The following GLI2 variants were observed in gnomAD, a reference collection of about 807,000 sequenced individuals.
GLI2 encodes the protein GLI family zinc finger 2.
A neutral mutation model predicts 78.9 loss-of-function variants in GLI2; 22 were observed. That is an observed-to-expected ratio of 0.28 (90% confidence interval 0.20 to 0.40). GLI2 has a LOEUF of 0.40. GLI2 is among the 10% of genes least tolerant of loss of function. The pLI, the probability that GLI2 is intolerant of heterozygous loss-of-function variation, is 1.00. For missense variants in GLI2, 2,097 were observed against 2,213.2 expected (o/e 0.95, Z 1.05); for synonymous variants, 974 against 963.7 (o/e 1.01, Z -0.20).
intron 2 of GLI2, among the ~76,000 whole-genome samples, chr2:120,799,715 G>A (rs1257005746): frequency 1.3e-5 from 2 of 152,158 alleles, no homozygotes; most frequent in African/African-American, 4.8e-5. Context: ...TTGGAACTTC[G>A]GGTCTTCCTT....
rs145132254 is a variant in GLI2, at chr2:120,928,216, C to G, written c.254+750C>G. Among the ~76,000 whole-genome samples the G allele has an allele frequency of 6.3e-4, 96 of 152,186 alleles. 1 individual carries two copies. The East Asian group carries it at 0.017, about 28-fold the overall frequency. On this transcript the variant is annotated intron_variant, in intron 3 of 13. Coordinates refer to ENST00000361492, the MANE Select transcript of GLI2 (RefSeq NM_001374353.1). ...ACAAAGGTCAGCCAGCCCCAAGACC[C>G]CTCTCGACCCAGCATCTTCATGCCC...
At chr2:120,748,665 T>A (rs1462131800) in intron 1 of GLI2, among the ~76,000 whole-genome samples, 1 of 152,188 alleles carries the variant, frequency 6.6e-6, no homozygotes, top group African/African-American at 2.4e-5. Context: ...CTGGAACATT[T>A]GGGATCCTGA....
chr2:120,928,922 G>C (rs1365403159), intron 3 of GLI2, among the ~76,000 whole-genome samples: 1 of 152,188 alleles, frequency 6.6e-6, no homozygotes, highest in Non-Finnish European at 1.5e-5. Context: ...AGCTTATCCA[G>C]ATTTGCTCAG....
chr2:120,868,247 T>C (rs1688249003), intron 2 of GLI2, among the ~76,000 whole-genome samples: 1 of 152,186 alleles, frequency 6.6e-6, no homozygotes, highest in South Asian at 2.1e-4. Flanking sequence ...AACATGTGTG[T>C]GTTAAAACAG....
At chr2:120,908,921 G>C (rs1017716844) in intron 2 of GLI2, among the ~76,000 whole-genome samples, 1 of 152,174 alleles carries the variant, frequency 6.6e-6, no homozygotes, top group Non-Finnish European at 1.5e-5. Flanking sequence ...GGCTGAGAAG[G>C]CTTCACGTTA....
Position 120,907,544 on chromosome 2 carries a change from G to T in GLI2, c.149-19817G>T, listed in dbSNP as rs150365499. 2.0e-5 allele frequency among the ~76,000 whole-genome samples: 3 copies of T among 152,304 alleles called. No homozygotes were observed. In the East Asian group the frequency reaches 5.8e-4, roughly 30 times the overall value. On this transcript the variant is annotated intron_variant, in intron 2 of 13. Transcript: ENST00000361492. ...GGGCTTTTGCTTCTCACGTTATTCA[G>T]CCGGGCTGTGTAATGGGAAAGAACA...
intron 8 of GLI2, among the ~76,000 whole-genome samples, chr2:120,972,476 C>T (rs1428229783): frequency 6.6e-6 from 1 of 152,220 alleles, no homozygotes; most frequent in South Asian, 2.1e-4. Flanking sequence ...CTGGCTCCTT[C>T]GCTGCCACTT....
At chr2:120,810,307 T>C (rs1416576252) in intron 2 of GLI2, among the ~76,000 whole-genome samples, 1 of 152,192 alleles carries the variant, frequency 6.6e-6, no homozygotes, top group Admixed American at 6.5e-5. Flanking sequence ...GGCCGTCTTC[T>C]GTGTTGAGAG....
At chr2:120,741,844 C>A (rs991394299) in intron 1 of GLI2, among the ~76,000 whole-genome samples, 1 of 152,178 alleles carries the variant, frequency 6.6e-6, no homozygotes, top group Non-Finnish European at 1.5e-5. Flanking sequence ...CGCACACCGG[C>A]CGCCGCCGGC....
At chr2:120,985,449 G>A (rs564307958) in intron 12 of GLI2, among the ~76,000 whole-genome samples, 3 of 152,194 alleles carry the variant, frequency 2.0e-5, no homozygotes, top group East Asian at 3.9e-4. Context: ...GAGTGACAGG[G>A]AGGCATGCGT....
chr2:120,948,398 C>T (rs11885978), intron 3 of GLI2, among the ~76,000 whole-genome samples: 5,449 of 152,214 alleles, frequency 0.036, 307 homozygotes, highest in African/African-American at 0.12. Flanking sequence ...CCCCTGGGCT[C>T]CTGACTCCCT....
rs773216992 is a variant in GLI2 at position 120,988,249 on chromosome 2, C to T, written c.2284C>T (p.Pro762Ser). The T allele has an allele frequency of 6.3e-6, 10 of 1,575,336 alleles. No homozygotes were observed. The African/African-American group carries it at 1.2e-4, about 19-fold the overall frequency. The stretch of plus-strand genomic sequence containing the variant: ...CTTCAGTGGCAGTGGGGGCGGCGGG[C>T]CCGCGGGGCTGCTGCCGAACCCGCG... Reference protein sequence around the residue: ...ENFSGSGGGGPAGLLPNPRLS... With the variant: ...ENFSGSGGGGSAGLLPNPRLS... The change falls in exon 14 of 14, where the codon CCC (proline) becomes TCC (serine). Residue 762 changes from proline to serine, a missense_variant. By Grantham distance (74) the Pro-to-Ser change is moderately conservative. Around this residue, in one of 5 missense-constraint regions of GLI2, gnomAD observed 1,290 missense variants for 1,261.7 expected, o/e 1.02. Transcript: ENST00000361492.
intron 2 of GLI2, among the ~76,000 whole-genome samples, chr2:120,863,430 C>A (rs539811621): frequency 6.6e-6 from 1 of 152,374 alleles, no homozygotes; most frequent in South Asian, 2.1e-4. Context: ...CGGGCCGTCT[C>A]TCCTGCTATG....
At chr2:120,846,453 C>T (rs935901555) in intron 2 of GLI2, among the ~76,000 whole-genome samples, 2 of 152,214 alleles carry the variant, frequency 1.3e-5, no homozygotes, top group African/African-American at 4.8e-5. Context: ...TTCACAGCTG[C>T]TGGGTCTCCG....
chr2:120,834,237 T>C (rs1686500140), intron 2 of GLI2, among the ~76,000 whole-genome samples: 1 of 152,180 alleles, frequency 6.6e-6, no homozygotes, highest in Admixed American at 6.5e-5. Flanking sequence ...CATACAGGAC[T>C]ACTTGGGGAA....
intron 2 of GLI2, among the ~76,000 whole-genome samples, chr2:120,911,616 A>G (rs1228081482): frequency 6.6e-6 from 1 of 152,120 alleles, no homozygotes; most frequent in Non-Finnish European, 1.5e-5. Context: ...TCATGTATTC[A>G]TTCATTCACT....
chr2:120,935,823 CT>C (rs1408956672), intron 3 of GLI2, among the ~76,000 whole-genome samples: 1 of 152,220 alleles, frequency 6.6e-6, no homozygotes, highest in Non-Finnish European at 1.5e-5. Flanking sequence ...GGAATCTGGC[CT>C]GTAAAAGTTT....
intron 2 of GLI2, among the ~76,000 whole-genome samples, chr2:120,878,062 T>C (rs956776075): frequency 6.6e-6 from 1 of 152,254 alleles, no homozygotes; most frequent in African/African-American, 2.4e-5. Flanking sequence ...GAGATCAATA[T>C]GGATACATTA....
At chr2:120,781,852 C>T (rs528143486) in intron 1 of GLI2, among the ~76,000 whole-genome samples, 34 of 151,224 alleles carry the variant, frequency 2.2e-4, no homozygotes, top group Non-Finnish European at 4.9e-4. Flanking sequence ...CACTGTACTC[C>T]AGCCTGGTGA....
Sources: gnomAD v4.1 joint callset for allele counts (sites outside exome capture counted in the v4.1 genomes callset) on GRCh38, gnomAD v4.1.1 for gene constraint, gnomAD v4.1.1 regional missense constraint, MANE v1.5 for transcripts, NCBI Gene and HGNC (gene_info 2026-07-23, HGNC 2026-07-21) for gene names.